Variants in GRID1 observed in about 807,000 individuals in gnomAD.
GRID1 encodes the protein glutamate ionotropic receptor delta type subunit 1, also known as glutamate receptor ionotropic, delta-1.
GRID1 carries 28 observed loss-of-function variants against 98.0 expected under a neutral mutation model. That is an observed-to-expected ratio of 0.29 (90% CI 0.21 to 0.39). The LOEUF (loss-of-function observed/expected upper bound fraction) is 0.39. Among genes scored for constraint, GRID1 ranks in the 10% least tolerant of loss-of-function variants. The pLI is 1.00. For missense variants in GRID1, 1,111 were observed against 1,340.5 expected, an observed-to-expected ratio of 0.83 and a Z score of 2.67; for synonymous variants, 553 against 538.5, an observed-to-expected ratio of 1.03 and a Z score of -0.37.
intron 15 of GRID1, among the ~76,000 whole-genome samples, chr10:85,609,202 G>T (rs529868219): frequency 1.4e-4 from 21 of 152,278 alleles, no homozygotes; most frequent in African/African-American, 4.6e-4. Flanking sequence ...TTCTGAGAGG[G>T]ATTTCATCAG....
intron 3 of GRID1, among the ~76,000 whole-genome samples, chr10:86,179,962 T>G (rs1223485741): frequency 6.6e-6 from 1 of 151,938 alleles, no homozygotes; most frequent in African/African-American, 2.4e-5. Flanking sequence ...AAAGAATGAG[T>G]CCAGAAAGAC....
At chr10:86,107,721 G>A (rs1564676960) in intron 4 of GRID1, among the ~76,000 whole-genome samples, 2 of 152,234 alleles carry the variant, frequency 1.3e-5, no homozygotes, top group Non-Finnish European at 1.5e-5. Context: ...GCTCATCATC[G>A]GGGGAACACA....
At chr10:86,178,681 A>C (rs926171535) in intron 3 of GRID1, among the ~76,000 whole-genome samples, 3 of 152,122 alleles carry the variant, frequency 2.0e-5, no homozygotes, top group Non-Finnish European at 4.4e-5. Context: ...ATTTCCATGC[A>C]TCAGACCCTG....
At chr10:86,071,010 T>C (rs1454399732) in intron 4 of GRID1, among the ~76,000 whole-genome samples, 1 of 152,154 alleles carries the variant, frequency 6.6e-6, no homozygotes, top group Non-Finnish European at 1.5e-5. Flanking sequence ...ACACTGCAGG[T>C]GAATTTGAAA....
chr10:85,780,512 A>T (rs1842372248), intron 8 of GRID1, among the ~76,000 whole-genome samples: 2 of 151,986 alleles, frequency 1.3e-5, no homozygotes, highest in Non-Finnish European at 2.9e-5. Context: ...ACTTAACCTC[A>T]CTCAGCCTCA....
intron 3 of GRID1, among the ~76,000 whole-genome samples, chr10:86,181,438 C>A (rs77058651): frequency 6.6e-6 from 1 of 152,150 alleles, no homozygotes. Context: ...GAGAGGGAAG[C>A]AACAGCTCCC....
chr10:85,698,727 G>A (rs1841420332), intron 12 of GRID1, among the ~76,000 whole-genome samples: 1 of 152,212 alleles, frequency 6.6e-6, no homozygotes, highest in Non-Finnish European at 1.5e-5. Flanking sequence ...GCTGTGTTTT[G>A]TAAGAAACTG....
chr10:85,728,637 T>C (rs1841789042), intron 9 of GRID1, among the ~76,000 whole-genome samples: 1 of 152,212 alleles, frequency 6.6e-6, no homozygotes, highest in Non-Finnish European at 1.5e-5. Flanking sequence ...CCTGCACATG[T>C]TGTGCTATGC....
At chr10:86,159,754 C>G (rs1589392155) in intron 3 of GRID1, among the ~76,000 whole-genome samples, 2 of 152,190 alleles carry the variant, frequency 1.3e-5, no homozygotes, top group South Asian at 4.1e-4. Flanking sequence ...TGGACTCCAC[C>G]CCTTACCAAC....
At chr10:86,297,605 G>T (rs896786825) in intron 2 of GRID1, among the ~76,000 whole-genome samples, 1 of 152,122 alleles carries the variant, frequency 6.6e-6, no homozygotes, top group Non-Finnish European at 1.5e-5. Context: ...TAAATAAAAA[G>T]ATAATTCAAC....
chr10:86,335,055 C>T (rs1255424260), intron 2 of GRID1, among the ~76,000 whole-genome samples: 2 of 152,260 alleles, frequency 1.3e-5, no homozygotes, highest in East Asian at 3.8e-4. Context: ...TATGAAGTCC[C>T]ATTTTGGCAG....
intron 8 of GRID1, among the ~76,000 whole-genome samples, chr10:85,811,175 A>T (rs1408574823): frequency 6.6e-6 from 1 of 152,220 alleles, no homozygotes; most frequent in Non-Finnish European, 1.5e-5. Context: ...TACTTTATGT[A>T]CCAAGAACCA....
intron 8 of GRID1, among the ~76,000 whole-genome samples, chr10:85,801,570 CACAGAG>C (rs1293130154): frequency 2.0e-5 from 3 of 151,590 alleles, no homozygotes; most frequent in African/African-American, 7.3e-5. Context: ...GTCATCACCT[CACAGAG>C]ACAAAGAAAA....
chr10:86,249,262 G>A (rs1846782232), intron 2 of GRID1, among the ~76,000 whole-genome samples: 1 of 152,188 alleles, frequency 6.6e-6, no homozygotes, highest in South Asian at 2.1e-4. Flanking sequence ...ATGTCCTGGG[G>A]TTAGACCTGG....
chr10:85,916,219 A>G lies in GRID1; in HGVS notation c.747T>C (p.Ala249=), dbSNP rs374369585. 6.2e-7 allele frequency: 1 copy of G among 1,613,666 alleles called. No homozygotes were observed. Among genetic ancestry groups the G allele is most frequent in the African/African-American group, 1.3e-5 (1 of 74,930 alleles). The part of the protein sequence containing the change: ...FINEAVETNL[A]SKDSHWVFVN... ...CAAAGACCCAGTGGCTGTCCTTGGA[A>G]GCCAGGTTGGTCTCCACGGCCTGCA... is the stretch of plus-strand genomic sequence containing the variant. Residue 249 remains alanine, a synonymous_variant, in exon 5 of 16, where the codon GCT becomes GCC. Transcript: ENST00000327946. The surrounding 1 kb of genome is among the most constrained non-coding windows in gnomAD (Gnocchi z 4.0).
rs554862269 is a variant in GRID1, at chr10:85,761,737, C to G, written c.1234-32123G>C. 1.1e-3 allele frequency among the ~76,000 whole-genome samples: 164 copies of G among 152,310 alleles called. 1 individual carries two copies. The highest frequency in any genetic ancestry group is 1.6e-3 in the Non-Finnish European group (106 of 68,024). ...TGGTCAGCATCCAACAGAACACACT[C>G]TGAACACTTTAGGGTGCAAATTGCC... On this transcript the variant is annotated intron_variant, in intron 8 of 15. Coordinates refer to ENST00000327946, the MANE Select transcript of GRID1 (RefSeq NM_017551.3).
At chr10:86,174,373 G>C (rs1409824690) in intron 3 of GRID1, among the ~76,000 whole-genome samples, 2 of 151,962 alleles carry the variant, frequency 1.3e-5, no homozygotes, top group African/African-American at 2.4e-5. Context: ...ACAAACCTGA[G>C]AAAAACAAGC....
At chr10:85,979,282 C>T (rs951302278) in intron 4 of GRID1, among the ~76,000 whole-genome samples, 1 of 152,030 alleles carries the variant, frequency 6.6e-6, no homozygotes, top group African/African-American at 2.4e-5. Flanking sequence ...CCAGTGGGAC[C>T]CAAGAGTGGT....
At chr10:85,976,619 G>A (rs572112489) in intron 4 of GRID1, among the ~76,000 whole-genome samples, 4 of 152,314 alleles carry the variant, frequency 2.6e-5, no homozygotes, top group South Asian at 2.1e-4. Flanking sequence ...CCACCTGTGC[G>A]TGCACCTCCA....
Sources: allele counts gnomAD v4.1 joint callset (sites outside exome capture counted in the v4.1 genomes callset), GRCh38; gene constraint gnomAD v4.1.1; non-coding constraint Gnocchi (gnomAD v3.1); transcripts MANE v1.5; gene names NCBI Gene and HGNC (gene_info 2026-07-23, HGNC 2026-07-21).